PTPRM: variants seen among roughly 807,000 people sequenced by gnomAD.
PTPRM encodes the protein protein tyrosine phosphatase receptor type M, also known as receptor-type tyrosine-protein phosphatase mu.
In PTPRM, 47 loss-of-function variants were observed where a neutral mutation model predicts 186.7. That is an observed-to-expected ratio of 0.25 (90% CI 0.20 to 0.32). The LOEUF (loss-of-function observed/expected upper bound fraction) is 0.32, where lower values mean the gene tolerates loss of function less well. PTPRM is among the 10% of genes least tolerant of loss of function. The pLI, the probability that PTPRM is intolerant of heterozygous loss-of-function variation, is 1.00. For synonymous variants in PTPRM, 668 were observed against 674.9 expected (o/e 0.99, Z 0.16); for missense variants, 1,494 against 1,865.0 (o/e 0.80, Z 3.66).
At chr18:7,842,930 G>GTGTGTGTATATATATATATATATA (rs377182615) in intron 2 of PTPRM, among the ~76,000 whole-genome samples, 18 of 100,924 alleles carry the variant, frequency 1.8e-4, no homozygotes, top group African/African-American at 8.4e-4. Flanking sequence ...GTGTGTGTGT[G>GTGTGTGTATATATATATATATATA]TATATATATA....
chr18:8,208,011 C>T (rs143584302), intron 14 of PTPRM, among the ~76,000 whole-genome samples: 8 of 152,280 alleles, frequency 5.3e-5, no homozygotes, highest in African/African-American at 1.9e-4. Flanking sequence ...AAACTTTAAG[C>T]ATTCTTTATA....
At chr18:8,157,970 T>C (rs1319717238) in intron 14 of PTPRM, among the ~76,000 whole-genome samples, 2 of 152,216 alleles carry the variant, frequency 1.3e-5, no homozygotes, top group African/African-American at 4.8e-5. Context: ...TCAGTGCTGC[T>C]TGTTCACCTT....
At chr18:7,806,632 G>T (rs1224224368) in intron 2 of PTPRM, among the ~76,000 whole-genome samples, 1 of 152,224 alleles carries the variant, frequency 6.6e-6, no homozygotes, top group Admixed American at 6.5e-5. Context: ...GCAGTGCAGT[G>T]CTGGGCTGTG....
chr18:8,362,196 G>A lies in PTPRM; in HGVS notation c.3055-8694G>A, dbSNP rs569036335. On this transcript the variant is annotated intron_variant, in intron 23 of 32. Transcript: ENST00000580170. ...CCCGGCCCCAACTGCTCCCAGCTCTGCCATATCCGACCTACTCACACATCC... is the reference window on the plus strand; with the variant it reads ...CCCGGCCCCAACTGCTCCCAGCTCTACCATATCCGACCTACTCACACATCC... Among the ~76,000 whole-genome samples the A allele has an allele frequency of 7.2e-5, 11 of 152,244 alleles. No individual in the cohort carries two copies. The South Asian group carries it at 2.1e-3, about 29-fold the overall frequency.
At chr18:7,928,470 T>C (rs1314308232) in intron 5 of PTPRM, among the ~76,000 whole-genome samples, 2 of 152,232 alleles carry the variant, frequency 1.3e-5, no homozygotes, top group Non-Finnish European at 1.5e-5. Context: ...CTATTTGGTA[T>C]TAAACACAAT....
At chr18:7,699,319 T>C (rs983857773) in intron 1 of PTPRM, among the ~76,000 whole-genome samples, 1 of 152,234 alleles carries the variant, frequency 6.6e-6, no homozygotes, top group Non-Finnish European at 1.5e-5. Context: ...TTGTCAGATA[T>C]ACTTATCGAA....
intron 1 of PTPRM, among the ~76,000 whole-genome samples, chr18:7,614,131 G>A (rs927850635): frequency 1.3e-5 from 2 of 152,178 alleles, no homozygotes; most frequent in African/African-American, 2.4e-5. Context: ...CAGAGAACAT[G>A]TGTTAAATGA....
Position 7,642,633 on chromosome 18 carries a change from C to T in PTPRM, c.73+74742C>T, listed in dbSNP as rs373743167. On this transcript the variant is annotated intron_variant, in intron 1 of 32. Coordinates refer to ENST00000580170, the MANE Select transcript of PTPRM (RefSeq NM_001105244.2). ...TGTTTTTATTTTCTTTTTGTTATTC[C>T]TCTTTGCACTTCCCTTTTCCGAGCA... 1.3e-3 allele frequency among the ~76,000 whole-genome samples: 198 copies of T among 151,698 alleles called. 4 individuals are homozygous for T. The South Asian group carries it at 0.04, about 31-fold the overall frequency.
intron 14 of PTPRM, among the ~76,000 whole-genome samples, chr18:8,212,248 G>C (rs2094016015): frequency 6.6e-6 from 1 of 152,312 alleles, no homozygotes; most frequent in East Asian, 1.9e-4. Flanking sequence ...CAGATGAGCA[G>C]GTGAGGAATG....
At chr18:7,926,458 T>C (rs2051177427) in intron 4 of PTPRM, 110 bp from the exon 5 acceptor site, 1 of 581,630 alleles carries the variant, frequency 1.7e-6, no homozygotes, top group Non-Finnish European at 2.8e-6. Context: ...ATTATTTTTT[T>C]CCCAAGGTGA....
intron 4 of PTPRM, among the ~76,000 whole-genome samples, chr18:7,913,299 C>A (rs2146637997): frequency 7.2e-6 from 1 of 139,120 alleles, no homozygotes; most frequent in South Asian, 2.4e-4. Flanking sequence ...TTTCCAGATT[C>A]CTCTTTTTCC....
At chr18:8,390,979 C>T (rs1291283364) in intron 31 of PTPRM, among the ~76,000 whole-genome samples, 2 of 136,240 alleles carry the variant, frequency 1.5e-5, no homozygotes, top group South Asian at 2.4e-4. Flanking sequence ...AAAGATGTCC[C>T]GAATAGCCAA....
At chr18:8,282,909 G>A (rs1276327428) in intron 19 of PTPRM, among the ~76,000 whole-genome samples, 1 of 152,168 alleles carries the variant, frequency 6.6e-6, no homozygotes, top group African/African-American at 2.4e-5. Context: ...CTGCAAAAAG[G>A]AATGAACTAA....
At chr18:8,285,761 G>A (rs185561772) in intron 19 of PTPRM, among the ~76,000 whole-genome samples, 30 of 152,292 alleles carry the variant, frequency 2.0e-4, no homozygotes, top group Admixed American at 8.5e-4. Flanking sequence ...AGAGGCTGAG[G>A]TGGGCAGCTC....
chr18:7,833,608 C>A (rs1210457556), intron 2 of PTPRM, among the ~76,000 whole-genome samples: 2 of 151,976 alleles, frequency 1.3e-5, no homozygotes, highest in East Asian at 3.9e-4. Context: ...GTGGCAGGTG[C>A]CTATAATCCC....
intron 2 of PTPRM, among the ~76,000 whole-genome samples, chr18:7,883,756 G>A (rs149030370): frequency 3.9e-4 from 60 of 152,264 alleles, no homozygotes; most frequent in African/African-American, 1.3e-3. Flanking sequence ...TTCTTCTCTC[G>A]TAAAGAAAGG....
chr18:8,090,002 A>G (rs964341354), intron 11 of PTPRM, among the ~76,000 whole-genome samples: 1 of 152,184 alleles, frequency 6.6e-6, no homozygotes. Flanking sequence ...CTTGCTGTTC[A>G]TAGATGCAGT....
At chr18:8,253,466 C>T in intron 19 of PTPRM, 52 bp downstream of exon 19, 1 of 1,357,538 alleles carries the variant, frequency 7.4e-7, no homozygotes, top group Non-Finnish European at 9.6e-7. Flanking sequence ...GGATTCCATG[C>T]CAGGTACTGT....
At chr18:7,715,161 A>G (rs917403731) in intron 1 of PTPRM, among the ~76,000 whole-genome samples, 1 of 152,136 alleles carries the variant, frequency 6.6e-6, no homozygotes, top group Non-Finnish European at 1.5e-5. Context: ...CAACCACCAC[A>G]ATCAAGTCAG....
Sources: allele counts gnomAD v4.1 joint callset (sites outside exome capture counted in the v4.1 genomes callset), GRCh38; gene constraint gnomAD v4.1.1; transcripts MANE v1.5; gene names NCBI Gene and HGNC (gene_info 2026-07-23, HGNC 2026-07-21).